ERC2: variants seen among roughly 807,000 people sequenced by gnomAD.
ERC2 encodes ELKS/RAB6-interacting/CAST family member 2, also known as ERC protein 2.
ERC2 carries 42 observed loss-of-function variants against 114.8 expected under a neutral mutation model. That is an observed-to-expected ratio of 0.37 (90% CI 0.29 to 0.47). The LOEUF (loss-of-function observed/expected upper bound fraction) is 0.47. Among genes scored for constraint, ERC2 ranks in the 20% least tolerant of loss-of-function variants. The pLI is 0.99. For missense variants in ERC2, 939 were observed against 1,150.7 expected (o/e 0.82, Z 2.66); for synonymous variants, 454 against 425.5 (o/e 1.07, Z -0.82).
At chr3:56,346,324 T>C (rs1056879175) in intron 2 of ERC2, among the ~76,000 whole-genome samples, 3 of 152,166 alleles carry the variant, frequency 2.0e-5, no homozygotes, top group African/African-American at 7.2e-5. Flanking sequence ...AAAACTGATG[T>C]TGGCCAACTT....
At chr3:55,870,754 A>G (rs1439811265) in intron 14 of ERC2, among the ~76,000 whole-genome samples, 1 of 152,216 alleles carries the variant, frequency 6.6e-6, no homozygotes, top group African/African-American at 2.4e-5. Flanking sequence ...GAGATTACAG[A>G]GCAGAAACAC....
At chr3:55,808,044 G>A (rs1011188030) in intron 14 of ERC2, among the ~76,000 whole-genome samples, 2 of 152,128 alleles carry the variant, frequency 1.3e-5, no homozygotes, top group East Asian at 1.9e-4. Flanking sequence ...TGGAGACATC[G>A]TCATCATTTC....
chr3:56,341,543 C>A (rs1286426915), intron 2 of ERC2, among the ~76,000 whole-genome samples: 1 of 151,866 alleles, frequency 6.6e-6, no homozygotes, highest in Non-Finnish European at 1.5e-5. Context: ...TAAGAATGAC[C>A]CTCTGTGAAT....
chr3:56,230,118 G>A (rs1169275879), intron 3 of ERC2, among the ~76,000 whole-genome samples: 2 of 151,764 alleles, frequency 1.3e-5, no homozygotes, highest in Non-Finnish European at 2.9e-5. Flanking sequence ...CGCCAGCCTC[G>A]GCCTCCCAAA....
intron 3 of ERC2, among the ~76,000 whole-genome samples, chr3:56,210,183 G>A (rs2048974025): frequency 6.6e-6 from 1 of 152,230 alleles, no homozygotes; most frequent in African/African-American, 2.4e-5. Context: ...ACATAAAGAA[G>A]AGAACTTGGC....
intron 7 of ERC2, among the ~76,000 whole-genome samples, chr3:56,077,513 T>A (rs1450792308): frequency 3.3e-5 from 5 of 152,198 alleles, no homozygotes; most frequent in Admixed American, 3.3e-4. Context: ...GGAGGGAAGT[T>A]TAAAATTCTG....
At chr3:56,201,243 T>C (rs1240666271) in intron 3 of ERC2, among the ~76,000 whole-genome samples, 3 of 152,198 alleles carry the variant, frequency 2.0e-5, no homozygotes, top group Non-Finnish European at 2.9e-5. Flanking sequence ...ATCTACCATA[T>C]ACCAAGCAAA....
At chr3:56,453,074 T>G (rs1038603505) in intron 1 of ERC2, among the ~76,000 whole-genome samples, 1 of 152,240 alleles carries the variant, frequency 6.6e-6, no homozygotes, top group East Asian at 1.9e-4. Context: ...AGTAAAACTT[T>G]AGCCCATGCA....
intron 6 of ERC2, among the ~76,000 whole-genome samples, chr3:56,129,876 T>C (rs1286190163): frequency 6.6e-6 from 1 of 152,208 alleles, no homozygotes; most frequent in Non-Finnish European, 1.5e-5. Context: ...GTGATTCTGT[T>C]ATCTTAATTA....
chr3:55,687,732 T>C (rs1054664686), intron 16 of ERC2, among the ~76,000 whole-genome samples: 3 of 152,232 alleles, frequency 2.0e-5, no homozygotes, highest in African/African-American at 7.2e-5. Flanking sequence ...TTTGCAACGT[T>C]TGGCTGCACA....
At chr3:55,854,610 C>T (rs2061712073) in intron 14 of ERC2, among the ~76,000 whole-genome samples, 1 of 152,168 alleles carries the variant, frequency 6.6e-6, no homozygotes, top group South Asian at 2.1e-4. Context: ...GCATCCAGCC[C>T]AGATCCCCTA....
At chr3:55,849,428 T>C (rs572916928) in intron 14 of ERC2, among the ~76,000 whole-genome samples, 2 of 152,350 alleles carry the variant, frequency 1.3e-5, no homozygotes, top group South Asian at 2.1e-4. Flanking sequence ...TAAGCTTCTA[T>C]CACCCCAAGA....
chr3:55,682,218 T>C (rs2062090831), intron 17 of ERC2, among the ~76,000 whole-genome samples: 2 of 152,216 alleles, frequency 1.3e-5, no homozygotes, highest in Non-Finnish European at 2.9e-5. Context: ...GGGAGAGAGT[T>C]GCTCCCATAG....
intron 17 of ERC2, among the ~76,000 whole-genome samples, chr3:55,650,397 C>T (rs2060567549): frequency 6.6e-6 from 1 of 152,164 alleles, no homozygotes; most frequent in South Asian, 2.1e-4. Context: ...ACCACCCTGG[C>T]CTGCTTCATG....
At chr3:56,363,305 A>C (rs1299664004) in intron 2 of ERC2, among the ~76,000 whole-genome samples, 1 of 152,220 alleles carries the variant, frequency 6.6e-6, no homozygotes, top group Non-Finnish European at 1.5e-5. Flanking sequence ...AAATAAACAT[A>C]CAGTATTTCA....
chr3:55,906,076 C>A (rs951798375), intron 13 of ERC2, among the ~76,000 whole-genome samples: 1 of 152,238 alleles, frequency 6.6e-6, no homozygotes, highest in East Asian at 1.9e-4. Context: ...TTTGTAATAC[C>A]CATCCTGAGG....
chr3:55,938,915 C>T (rs1559901353), intron 13 of ERC2, among the ~76,000 whole-genome samples: 1 of 152,076 alleles, frequency 6.6e-6, no homozygotes, highest in Non-Finnish European at 1.5e-5. Context: ...GGAAATATTT[C>T]CACACCTTCC....
intron 4 of ERC2, among the ~76,000 whole-genome samples, chr3:56,151,913 G>A (rs1056702771): frequency 2.0e-5 from 3 of 152,124 alleles, no homozygotes; most frequent in Admixed American, 6.5e-5. Flanking sequence ...AACATTTTAC[G>A]CCCTAATCGC....
chr3:56,104,296 G>A (rs1181656376), intron 6 of ERC2, among the ~76,000 whole-genome samples: 6 of 152,022 alleles, frequency 3.9e-5, no homozygotes, highest in South Asian at 2.1e-4. Context: ...TTTATTCATC[G>A]CAACTCTCTT....
Sources: allele counts gnomAD v4.1 joint callset (sites outside exome capture counted in the v4.1 genomes callset), GRCh38; gene constraint gnomAD v4.1.1; transcripts MANE v1.5; gene names NCBI Gene and HGNC (gene_info 2026-07-23, HGNC 2026-07-21).